The following CAP2 variants were observed in gnomAD, a reference collection of about 807,000 sequenced individuals.
The protein encoded by CAP2 is cyclase associated actin cytoskeleton regulatory protein 2.
Under a neutral mutation model 57.7 loss-of-function variants are expected in CAP2, and 24 were observed. That is an observed-to-expected ratio of 0.42 (90% CI 0.30 to 0.58). The LOEUF is 0.58. CAP2 is among the 20% of genes least tolerant of loss of function. The probability of loss-of-function intolerance (pLI) is 0.22; values close to 1 mark genes in which losing one functional copy is unlikely to be tolerated. For synonymous variants in CAP2, 194 were observed against 207.2 expected (o/e 0.94, Z 0.55); for missense variants, 501 against 590.3 (o/e 0.85, Z 1.57).
rs115817137 is a variant in CAP2 at position 17,404,815 on chromosome 6, G to A, written c.-2+11069G>A. Among the ~76,000 whole-genome samples the A allele has an allele frequency of 6.0e-3, 908 of 151,192 alleles. 6 individuals carry two copies. The highest frequency in any genetic ancestry group is 0.021 in the African/African-American group (859 of 41,230). On this transcript the variant is annotated intron_variant, in intron 1 of 12. Transcript: ENST00000229922. Reference sequence around the variant, plus strand: ...TTAAAAGTCTAAGTACTTATGACACGTCTCAAAAGAGGATAACAGCCATTA... The same window carrying A: ...TTAAAAGTCTAAGTACTTATGACACATCTCAAAAGAGGATAACAGCCATTA...
At chr6:17,524,893 C>CTTTTTTTTTTTTTTTTTT (rs11325666) in intron 7 of CAP2, among the ~76,000 whole-genome samples, 3 of 109,618 alleles carry the variant, frequency 2.7e-5, no homozygotes, top group African/African-American at 7.2e-5. Context: ...CTTTTCTTTT[C>CTTTTTTTTTTTTTTTTTT]TTTTTTTTTT....
At chr6:17,424,054 G>A (rs990608870) in intron 2 of CAP2, among the ~76,000 whole-genome samples, 3 of 151,910 alleles carry the variant, frequency 2.0e-5, no homozygotes, top group Non-Finnish European at 2.9e-5. Context: ...ACATCATTAC[G>A]ACAATGTTAT....
At chr6:17,538,875 A>G (rs1366728276) in intron 7 of CAP2, among the ~76,000 whole-genome samples, 1 of 152,214 alleles carries the variant, frequency 6.6e-6, no homozygotes, top group Non-Finnish European at 1.5e-5. Context: ...CACAGTTTCC[A>G]GTGTCTCAAA....
chr6:17,424,140 G>A (rs551186467), intron 2 of CAP2, among the ~76,000 whole-genome samples: 1 of 152,150 alleles, frequency 6.6e-6, no homozygotes, highest in South Asian at 2.1e-4. Flanking sequence ...AGTGGCTCAC[G>A]CCTGTAATCC....
chr6:17,409,813 C>T (rs1042347753), intron 1 of CAP2, among the ~76,000 whole-genome samples: 6 of 152,206 alleles, frequency 3.9e-5, no homozygotes, highest in African/African-American at 1.4e-4. Flanking sequence ...ATCCTAGCTT[C>T]TCCCTTTCCC....
chr6:17,551,668 G>A, intron 12 of CAP2, 64 bp downstream of exon 12: 1 of 1,282,732 alleles, frequency 7.8e-7, no homozygotes, highest in Non-Finnish European at 1.1e-6. Flanking sequence ...CATTCTTAGA[G>A]ATTGATTAAT....
chr6:17,526,956 C>CAAAAAAAA (rs1221212193), intron 7 of CAP2, among the ~76,000 whole-genome samples: 3 of 80,106 alleles, frequency 3.7e-5, no homozygotes, highest in African/African-American at 1.0e-4. Flanking sequence ...GACTCTGTCT[C>CAAAAAAAA]AAAAAAAAAA....
At chr6:17,481,493 T>C (rs1212935429) in intron 4 of CAP2, among the ~76,000 whole-genome samples, 2 of 152,222 alleles carry the variant, frequency 1.3e-5, no homozygotes, top group Non-Finnish European at 2.9e-5. Context: ...GTAATTATTA[T>C]CTGAGATCCT....
rs534199999 is a variant in CAP2 at position 17,394,862 on chromosome 6, G to A, written c.-2+1116G>A. 2.0e-5 allele frequency among the ~76,000 whole-genome samples: 3 copies of A among 152,254 alleles called. No homozygotes were observed. The East Asian group carries it at 5.8e-4, about 29-fold the overall frequency. ...GATGGGTTGTTTGGTAGTTCCTACG[G>A]CACCAAACAGTATTTGGCTCACAGC... On this transcript the variant is annotated intron_variant, in intron 1 of 12. Transcript: ENST00000229922.
intron 3 of CAP2, among the ~76,000 whole-genome samples, chr6:17,449,317 T>C (rs1404003717): frequency 3.3e-5 from 5 of 152,214 alleles, no homozygotes; most frequent in Non-Finnish European, 7.3e-5. Flanking sequence ...TTTATAATCA[T>C]TTAAAAAATT....
intron 4 of CAP2, among the ~76,000 whole-genome samples, chr6:17,499,927 A>G (rs900830596): frequency 3.3e-5 from 5 of 151,918 alleles, no homozygotes; most frequent in African/African-American, 1.2e-4. Flanking sequence ...AAGTTTAGCA[A>G]CCCTAAAATA....
rs567675285 is a variant in CAP2, at chr6:17,461,992, C to CAAAAAAAAAAAAAAAAAAAAAAA, written c.223-995_223-973dup. 5.4e-4 allele frequency among the ~76,000 whole-genome samples: 15 copies of CAAAAAAAAAAAAAAAAAAAAAAA among 27,862 alleles called. 1 individual carries two copies. The highest frequency in any genetic ancestry group is 2.9e-3 in the South Asian group (1 of 348). 18.3% of individuals were successfully genotyped at this position (27,862 alleles called of 152,430 possible). A position where few individuals can be genotyped will look rare whatever the true frequency, so the allele number is the denominator to read the frequency against. Reference sequence around the variant, plus strand: ...TGGGCAACAGGGCGAGACTCCGTCTCAAAAAAAAAAAAAAAAAAAAAAAAA... The same window carrying CAAAAAAAAAAAAAAAAAAAAAAA: ...TGGGCAACAGGGCGAGACTCCGTCTCAAAAAAAAAAAAAAAAAAAAAAAAAAAAAAAAAAAAAAAAAAAAAAAA... On this transcript the variant is annotated intron_variant, in intron 3 of 12. Coordinates refer to ENST00000229922, the MANE Select transcript of CAP2 (RefSeq NM_006366.3).
At chr6:17,489,172 G>A (rs1581562726) in intron 4 of CAP2, among the ~76,000 whole-genome samples, 1 of 152,172 alleles carries the variant, frequency 6.6e-6, no homozygotes, top group Admixed American at 6.5e-5. Context: ...AGTGGCTCAC[G>A]CCTGTAATTC....
At chr6:17,529,538 G>A (rs940124814) in intron 7 of CAP2, among the ~76,000 whole-genome samples, 4 of 151,788 alleles carry the variant, frequency 2.6e-5, no homozygotes, top group Non-Finnish European at 5.9e-5. Context: ...CTACTCAGGA[G>A]GCTGAGGCAG....
At position 17,421,452 on chromosome 6, in the gene CAP2, A is replaced by G. The variant is rs190773988; in HGVS notation, c.-1-103A>G. 2.5e-4 allele frequency: 276 copies of G among 1,102,028 alleles called. No homozygotes were observed. In the African/African-American group the frequency reaches 3.7e-3, roughly 15 times the overall value. The allele number at this position is 1,102,028 out of a possible 1,614,324, so 68.3% of individuals were successfully genotyped here. ...AAAAAATAAAAATAAAGCCATCCCC[A>G]GTGATTGTGTCTTCCTCCTCGCTGT... On this transcript the variant is annotated intron_variant, in intron 1 of 12. Coordinates refer to ENST00000229922, the MANE Select transcript of CAP2 (RefSeq NM_006366.3).
At chr6:17,506,857 C>T (rs1761999767) in intron 4 of CAP2, among the ~76,000 whole-genome samples, 2 of 152,154 alleles carry the variant, frequency 1.3e-5, no homozygotes, top group South Asian at 4.1e-4. Context: ...GATCAACACT[C>T]AATTTCACTG....
In CAP2 at chr6:17,463,071, G is replaced by A. The variant is rs754558500; in HGVS notation, c.298G>A (p.Glu100Lys). 6.2e-6 allele frequency: 10 copies of A among 1,609,870 alleles called. No individual in the cohort carries two copies. Among genetic ancestry groups the A allele is most frequent in the South Asian group, 1.1e-5 (1 of 90,926 alleles). ...GGCCTCTCAGTACCAACAACCCCAC[G>A]AGGTAAGAGAGTGTCCTGAGAGGGA... ...LMASQYQQPH[E>K]NDVAALLKPI... Residue 100 changes from glutamate (E) to lysine (K), a missense_variant and splice_region_variant, in exon 4 of 13, where the codon GAG becomes AAG. By Grantham distance (56) the Glu-to-Lys change is moderately conservative (BLOSUM62 1). Coordinates refer to ENST00000229922, the MANE Select transcript of CAP2 (RefSeq NM_006366.3).
chr6:17,420,776 G>T (rs1052824588), intron 1 of CAP2, among the ~76,000 whole-genome samples: 6 of 152,160 alleles, frequency 3.9e-5, no homozygotes, highest in Non-Finnish European at 8.8e-5. Context: ...GTGAATATTT[G>T]TGTATTACCT....
intron 4 of CAP2, among the ~76,000 whole-genome samples, chr6:17,501,152 T>C (rs1474393151): frequency 1.3e-5 from 2 of 152,352 alleles, no homozygotes; most frequent in Non-Finnish European, 2.9e-5. Flanking sequence ...ATTTTATTTG[T>C]GTGCTTGTTT....
Sources: gnomAD v4.1 joint callset for allele counts (sites outside exome capture counted in the v4.1 genomes callset) on GRCh38, gnomAD v4.1.1 for gene constraint, MANE v1.5 for transcripts, NCBI Gene and HGNC (gene_info 2026-07-23, HGNC 2026-07-21) for gene names.